The following FERMT3 variants were observed in gnomAD, a reference collection of about 807,000 sequenced individuals.
FERMT3 encodes fermitin family homolog 3.
FERMT3 carries 33 observed loss-of-function variants against 80.8 expected under a neutral mutation model. The observed-to-expected ratio is 0.41, with a 90% CI of 0.31 to 0.55. FERMT3 has a LOEUF of 0.55. FERMT3 is among the 20% of genes least tolerant of loss of function. FERMT3 has a pLI of 0.31. For missense variants in FERMT3, 754 were observed against 908.7 expected (o/e 0.83, Z 2.19); for synonymous variants, 375 against 372.2 (o/e 1.01, Z -0.09).
chr11:64,211,407 C>T lies in FERMT3; in HGVS notation c.647C>T (p.Pro216Leu), dbSNP rs771851015. 5.6e-6 allele frequency: 9 copies of T among 1,603,088 alleles called. No individual in the cohort carries two copies. The Middle Eastern group carries it at 1.0e-3, about 182-fold the overall frequency. ...CTCCTGCTCCAGCGTCTGCCACGGC[C>T]CAGCTCCCTGTCAGACAAGACCCAG... ...DPLLLQRLPR[P>L]SSLSDKTQLH... The change falls in exon 5 of 15, where the codon CCC (proline) becomes CTC (leucine). Residue 216 changes from proline to leucine, a missense_variant. Pro to Leu is a moderately conservative substitution (Grantham distance 98). Transcript: ENST00000345728. The surrounding 1 kb of genome is among the most constrained non-coding windows in gnomAD (Gnocchi z 4.7).
In FERMT3 at chr11:64,219,544, C is replaced by G. The variant is rs1301243045; in HGVS notation, c.915C>G (p.Ser305=). 6.2e-7 allele frequency: 1 copy of G among 1,610,048 alleles called. No individual in the cohort carries two copies. The highest frequency in any genetic ancestry group is 1.1e-5 in the South Asian group (1 of 90,830). The change falls in exon 8 of 15, where the codon TCC becomes TCG. Residue 305 remains serine (S), a synonymous_variant. Transcript: ENST00000345728. The surrounding 1 kb of genome is among the most constrained non-coding windows in gnomAD (Gnocchi z 4.0). ...CCTAGTACCACATCAACAAGCTGTC[C>G]CAGAGCGGGGAGGTGGGGGAGCCGG... ...AALQYHINKL[S]QSGEVGEPAG... is the part of the protein sequence containing the mutation.
At position 64,211,846 on chromosome 11, in the gene FERMT3, C is replaced by A; in HGVS notation, c.786+99C>A. On this transcript the variant is annotated intron_variant, in intron 6 of 14. Coordinates refer to ENST00000345728, the MANE Select transcript of FERMT3 (RefSeq NM_031471.6). The surrounding 1 kb of genome is among the most constrained non-coding windows in gnomAD (Gnocchi z 4.7). ...TGGGATGTTAGTGACTTGTAGTGGC[C>A]TGTCCGTCTGCCCGTTTGTCCATCC... 8.7e-7 allele frequency: 1 copy of A among 1,150,938 alleles called. No individual in the cohort carries two copies. The allele number at this position is 1,150,938 out of a possible 1,614,324, so 71.3% of individuals were successfully genotyped here. A position where few individuals can be genotyped will look rare whatever the true frequency, so the allele number is the denominator to read the frequency against.
rs535542519 is a variant in FERMT3 at position 64,211,222 on chromosome 11, G to C, written c.514+51G>C. 6.2e-7 allele frequency: 1 copy of C among 1,607,180 alleles called. No individual in the cohort carries two copies. The highest frequency in any genetic ancestry group is 1.7e-5 in the Admixed American group (1 of 59,616). On this transcript the variant is annotated intron_variant, in intron 4 of 14. Transcript: ENST00000345728. This position sits in a 1 kb window ranked among gnomAD's most constrained non-coding sequence, Gnocchi z 4.7. ...GGGGGTTGGGGGCAGGGGCCGGCCC[G>C]TGAGTCCCAGCCCTGGGGGACAGGC...
chr11:64,212,831 C>G (rs1261293192), intron 6 of FERMT3, among the ~76,000 whole-genome samples: 2 of 152,192 alleles, frequency 1.3e-5, no homozygotes, highest in Non-Finnish European at 2.9e-5. Context: ...TCTCCACACT[C>G]TCTCCCAGCT....
intron 2 of FERMT3, 103 bp downstream of exon 2, chr11:64,207,627 G>A (rs1432221580): frequency 1.1e-5 from 15 of 1,378,496 alleles, no homozygotes; most frequent in Non-Finnish European, 1.3e-5. Context: ...TCCCGATAAT[G>A]GTGTCACGGT....
rs1946414477 is a variant in FERMT3, at chr11:64,210,612, T to C, written c.162T>C (p.Asn54=). The stretch of plus-strand genomic sequence containing the variant: ...CAGATGTGCCCCCGTGCCCCACAGA[T>C]CGCAAGCAGGACTGGTCAGACCATG... ...GVLLKIVEQI[N]RKQDWSDHAI... is the part of the protein sequence containing the mutation. The change falls in exon 3 of 15, where the codon AAT becomes AAC. Residue 54 remains asparagine (N), a splice_region_variant and synonymous_variant. Transcript: ENST00000345728. This position sits in a 1 kb window ranked among gnomAD's most constrained non-coding sequence, Gnocchi z 4.3. 6.2e-7 allele frequency: 1 copy of C among 1,613,462 alleles called. No individual in the cohort carries two copies. Among genetic ancestry groups the C allele is most frequent in the Non-Finnish European group, 8.5e-7 (1 of 1,179,646 alleles).
chr11:64,217,792 A>G (rs1362951947), intron 6 of FERMT3, among the ~76,000 whole-genome samples: 2 of 152,100 alleles, frequency 1.3e-5, no homozygotes, highest in Admixed American at 1.3e-4. Context: ...GAGGATCCCC[A>G]TCAGAGCCTG....
At position 64,211,754 on chromosome 11, in the gene FERMT3, C is replaced by T. The variant is rs373211697; in HGVS notation, c.786+7C>T. ...CTTCGATTTGGATCCCAAGGTGGGT[C>T]GGGGCAGGGAGAAAGCGGGCCTCAG... On this transcript the variant is annotated splice_region_variant and intron_variant, in intron 6 of 14. Coordinates refer to ENST00000345728, the MANE Select transcript of FERMT3 (RefSeq NM_031471.6). This position sits in a 1 kb window ranked among gnomAD's most constrained non-coding sequence, Gnocchi z 4.7. The T allele has an allele frequency of 1.9e-5, 31 of 1,613,814 alleles. No homozygotes were observed. The African/African-American group carries it at 2.0e-4, about 10-fold the overall frequency.
At chr11:64,217,954 T>C (rs1162724622) in intron 6 of FERMT3, among the ~76,000 whole-genome samples, 2 of 151,828 alleles carry the variant, frequency 1.3e-5, no homozygotes, top group Non-Finnish European at 2.9e-5. Flanking sequence ...ATAACCCAGT[T>C]CCCATCTACA....
At chr11:64,209,086 G>C (rs1360925768) in intron 2 of FERMT3, among the ~76,000 whole-genome samples, 2 of 152,180 alleles carry the variant, frequency 1.3e-5, no homozygotes, top group African/African-American at 4.8e-5. Context: ...GGCTAGAAGA[G>C]AAAGGGAGGA....
In FERMT3 at chr11:64,210,977, G is replaced by A. The variant is rs1946422464; in HGVS notation, c.395-75G>A. The A allele has an allele frequency of 6.8e-6, 11 of 1,606,776 alleles. No homozygotes were observed. The highest frequency in any genetic ancestry group is 8.5e-6 in the Non-Finnish European group (10 of 1,176,768). On this transcript the variant is annotated intron_variant, in intron 3 of 14. Transcript: ENST00000345728. The surrounding 1 kb of genome is among the most constrained non-coding windows in gnomAD (Gnocchi z 4.3). ...CACCCTGCCTGCAGGGCTGTGACCC[G>A]CCCCAAGCACCCATGGGTGAGGTGG...
rs116927435 is a variant in FERMT3, at chr11:64,207,811, G to A, written c.160+287G>A. 5.3e-4 allele frequency: 193 copies of A among 365,380 alleles called. 1 individual carries two copies. In the East Asian group the frequency reaches 0.011, roughly 20 times the overall value. The allele number at this position is 365,380 out of a possible 1,614,324, so 22.6% of individuals were successfully genotyped here. On this transcript the variant is annotated intron_variant, in intron 2 of 14. Coordinates refer to ENST00000345728, the MANE Select transcript of FERMT3 (RefSeq NM_031471.6). ...GGGCAGAAGGAGTGGTCTTGTCTGG[G>A]CCGAGGCTGAAGTCACATTGCTGAG... is the stretch of plus-strand genomic sequence containing the variant.
intron 6 of FERMT3, among the ~76,000 whole-genome samples, chr11:64,218,252 C>G (rs1349405816): frequency 2.0e-5 from 3 of 152,138 alleles, no homozygotes; most frequent in Non-Finnish European, 4.4e-5. Context: ...GATCCACCGA[C>G]CTCGGCCTCC....
At position 64,211,681 on chromosome 11, in the gene FERMT3, C is replaced by T. The variant is rs779359609; in HGVS notation, c.720C>T (p.Gly240=). ...CGTCGCGGTGTCTCATGCAGCAGGG[C>T]ATCAAGGCCGGGGACGCACTCTGGC... is the stretch of plus-strand genomic sequence containing the variant. ...LDSSRCLMQQ[G]IKAGDALWLR... Residue 240 remains glycine (G), a synonymous_variant, in exon 6 of 15, where the codon GGC becomes GGT. Transcript: ENST00000345728. The surrounding 1 kb of genome is among the most constrained non-coding windows in gnomAD (Gnocchi z 4.7). 1 of 1,614,194 alleles carries T rather than the reference C, an allele frequency of 6.2e-7. No homozygotes were observed. Among genetic ancestry groups the T allele is most frequent in the South Asian group, 1.1e-5 (1 of 91,084 alleles).
At position 64,220,679 on chromosome 11, in the gene FERMT3, G is replaced by T; in HGVS notation, c.1545+10G>T. 2 of 1,605,036 alleles carry T rather than the reference G, an allele frequency of 1.2e-6. No homozygotes were observed. The highest frequency in any genetic ancestry group is 1.7e-6 in the Non-Finnish European group (2 of 1,175,498). On this transcript the variant is annotated intron_variant, in intron 12 of 14. Coordinates refer to ENST00000345728, the MANE Select transcript of FERMT3 (RefSeq NM_031471.6). ...GTTCAAGGCCAAGCAGGTACCAGAA[G>T]GCGTCAGGGTGGGAATGAGCATAGT...
chr11:64,210,769 C>A lies in FERMT3; in HGVS notation c.319C>A (p.Arg107Ser). 1 of 1,614,126 alleles carries A rather than the reference C, an allele frequency of 6.2e-7. No individual in the cohort carries two copies. The highest frequency in any genetic ancestry group is 8.5e-7 in the Non-Finnish European group (1 of 1,180,018). ...HRPVILRLPN[R>S]RALRLRASFS... ...GCCCGTCATCCTTCGGTTGCCCAACCGCCGCGCACTGCGCCTCCGTGCCAG... is the reference window on the plus strand; with the variant it reads ...GCCCGTCATCCTTCGGTTGCCCAACAGCCGCGCACTGCGCCTCCGTGCCAG... The change falls in exon 3 of 15, where the codon CGC (arginine) becomes AGC (serine). Residue 107 changes from arginine (R) to serine (S), a missense_variant. Coordinates refer to ENST00000345728, the MANE Select transcript of FERMT3 (RefSeq NM_031471.6). The surrounding 1 kb of genome is among the most constrained non-coding windows in gnomAD (Gnocchi z 4.3).
Position 64,223,114 on chromosome 11 carries a change from G to C in FERMT3, c.1737G>C (p.Leu579Phe). The C allele has an allele frequency of 6.2e-7, 1 of 1,613,956 alleles. No homozygotes were observed. The highest frequency in any genetic ancestry group is 8.5e-7 in the Non-Finnish European group (1 of 1,180,052). ...ACAACCGACTGATCCGCATCGACTT[G>C]GCCGTGGGCGACGTGGTCAAGACCT... The part of the protein sequence containing the change: ...IANNRLIRID[L>F]AVGDVVKTWR... The change falls in exon 14 of 15, where the codon TTG becomes TTC. Residue 579 changes from leucine to phenylalanine, a missense_variant. Leu to Phe is a conservative substitution (Grantham distance 22, BLOSUM62 0). Coordinates refer to ENST00000345728, the MANE Select transcript of FERMT3 (RefSeq NM_031471.6).
Position 64,219,501 on chromosome 11 carries a change from TC to T in FERMT3, c.895-20del. 2 of 1,587,032 alleles carry T rather than the reference TC, an allele frequency of 1.3e-6. No homozygotes were observed. The highest frequency in any genetic ancestry group is 1.1e-5 in the South Asian group (1 of 88,640). Reference sequence around the variant, plus strand: ...GGGACCAGGCTGCTGGACTCAGCCCTCCCTGGCTTCATGACCACCTAGTACC... The same window carrying T: ...GGGACCAGGCTGCTGGACTCAGCCCTCCTGGCTTCATGACCACCTAGTACC... On this transcript the variant is annotated intron_variant, in intron 7 of 14. Transcript: ENST00000345728. The surrounding 1 kb of genome is among the most constrained non-coding windows in gnomAD (Gnocchi z 4.0).
chr11:64,219,921 C>T lies in FERMT3; in HGVS notation c.1110C>T (p.Arg370=), dbSNP rs764357988. The change falls in exon 10 of 15, where the codon CGC becomes CGT. Residue 370 remains arginine, a synonymous_variant. Coordinates refer to ENST00000345728, the MANE Select transcript of FERMT3 (RefSeq NM_031471.6). The surrounding 1 kb of genome is among the most constrained non-coding windows in gnomAD (Gnocchi z 4.0). ...RPRKLTLKGY[R]QHWVVFKETT... is the part of the protein sequence containing the mutation. ...GGAAGCTGACCCTGAAGGGCTACCG[C>T]CAACACTGGGTGGTGTTCAAGGAGA... The T allele has an allele frequency of 6.2e-7, 1 of 1,613,852 alleles. No homozygotes were observed. The highest frequency in any genetic ancestry group is 1.3e-5 in the African/African-American group (1 of 74,916).
Sources: allele counts gnomAD v4.1 joint callset (sites outside exome capture counted in the v4.1 genomes callset), GRCh38; gene constraint gnomAD v4.1.1; non-coding constraint Gnocchi (gnomAD v3.1); transcripts MANE v1.5; gene names NCBI Gene and HGNC (gene_info 2026-07-23, HGNC 2026-07-21).